The following PLCB1 variants were observed in gnomAD, a reference collection of about 807,000 sequenced individuals.
PLCB1 encodes 1-phosphatidylinositol 4,5-bisphosphate phosphodiesterase beta-1.
Under a neutral mutation model 161.8 loss-of-function variants are expected in PLCB1, and 46 were observed. The ratio of observed to expected loss-of-function variants is 0.28; its 90% CI spans 0.22 to 0.36. The LOEUF is 0.36. Among genes scored for constraint, PLCB1 ranks in the 10% least tolerant of loss-of-function variants. The probability of loss-of-function intolerance (pLI) is 1.00; values close to 1 mark genes in which losing one functional copy is unlikely to be tolerated. For missense variants in PLCB1, 1,016 were observed against 1,472.5 expected (o/e 0.69, Z 5.07); for synonymous variants, 517 against 503.7 (o/e 1.03, Z -0.35).
At chr20:8,586,504 G>A (rs6055928) in intron 3 of PLCB1, among the ~76,000 whole-genome samples, 54,687 of 151,912 alleles carry the variant, frequency 0.36, 10,277 homozygotes, top group African/African-American at 0.47. Flanking sequence ...AGGGAAAAAC[G>A]TATTTGCATT....
intron 3 of PLCB1, among the ~76,000 whole-genome samples, chr20:8,425,882 A>T (rs1979747759): frequency 6.6e-6 from 1 of 151,842 alleles, no homozygotes; most frequent in South Asian, 2.1e-4. Flanking sequence ...AAAAAAAAAA[A>T]GTTTTGAGAA....
chr20:8,529,700 A>G (rs578207256), intron 3 of PLCB1, among the ~76,000 whole-genome samples: 1 of 152,182 alleles, frequency 6.6e-6, no homozygotes, highest in South Asian at 2.1e-4. Context: ...AGTCTCCCTC[A>G]CACCCTCCTT....
At chr20:8,483,388 A>G (rs908109803) in intron 3 of PLCB1, among the ~76,000 whole-genome samples, 2 of 152,208 alleles carry the variant, frequency 1.3e-5, no homozygotes, top group African/African-American at 4.8e-5. Context: ...ATGCTGACAT[A>G]TCAGCTTCAA....
intron 3 of PLCB1, among the ~76,000 whole-genome samples, chr20:8,529,845 T>C (rs1984731710): frequency 6.6e-6 from 1 of 152,080 alleles, no homozygotes; most frequent in Non-Finnish European, 1.5e-5. Context: ...CAAGTGCACA[T>C]GATTTCAAGA....
chr20:8,189,504 A>G (rs543808989), intron 2 of PLCB1, among the ~76,000 whole-genome samples: 1 of 152,084 alleles, frequency 6.6e-6, no homozygotes, highest in South Asian at 2.1e-4. Context: ...TATAATAACA[A>G]AGATATTACA....
At chr20:8,517,426 G>T (rs917806460) in intron 3 of PLCB1, among the ~76,000 whole-genome samples, 1 of 152,156 alleles carries the variant, frequency 6.6e-6, no homozygotes, top group Admixed American at 6.5e-5. Flanking sequence ...ATGAGACATG[G>T]GGTTTTATTA....
intron 3 of PLCB1, among the ~76,000 whole-genome samples, chr20:8,420,945 G>A: frequency 6.6e-6 from 1 of 152,086 alleles, no homozygotes; most frequent in East Asian, 1.9e-4. Flanking sequence ...TAAATACCCT[G>A]ATGGAATAGA....
At chr20:8,688,248 A>T (rs1004444789) in intron 10 of PLCB1, among the ~76,000 whole-genome samples, 6 of 152,120 alleles carry the variant, frequency 3.9e-5, no homozygotes, top group Non-Finnish European at 7.3e-5. Flanking sequence ...CCTTTGTCAG[A>T]TGTATAGATT....
At chr20:8,288,253 C>CA (rs112900672) in intron 2 of PLCB1, among the ~76,000 whole-genome samples, 40,897 of 151,822 alleles carry the variant, frequency 0.27, 6,280 homozygotes, top group East Asian at 0.42. Context: ...CTGGAGGCTA[C>CA]AAAAAAATGA....
At chr20:8,670,124 C>T (rs1989907957) in intron 9 of PLCB1, among the ~76,000 whole-genome samples, 2 of 152,114 alleles carry the variant, frequency 1.3e-5, no homozygotes, top group Admixed American at 1.3e-4. Context: ...ATGTTCCAAA[C>T]ACAGCTCTAA....
intron 3 of PLCB1, among the ~76,000 whole-genome samples, chr20:8,409,089 C>T (rs1490247306): frequency 6.6e-6 from 1 of 152,224 alleles, no homozygotes; most frequent in African/African-American, 2.4e-5. Context: ...ACCACATCCA[C>T]ATTCACTTAC....
At chr20:8,192,291 A>ATAGTATT (rs1376641510) in intron 2 of PLCB1, among the ~76,000 whole-genome samples, 7 of 152,020 alleles carry the variant, frequency 4.6e-5, no homozygotes, top group Non-Finnish European at 1.0e-4. Context: ...GTTTCAAAGA[A>ATAGTATT]TAGTATTAAG....
intron 3 of PLCB1, among the ~76,000 whole-genome samples, chr20:8,529,429 A>G (rs1386899477): frequency 6.6e-6 from 1 of 152,034 alleles, no homozygotes; most frequent in Non-Finnish European, 1.5e-5. Context: ...GAACATTTGC[A>G]GGGATTTTAT....
chr20:8,427,069 A>G (rs1362053567), intron 3 of PLCB1, among the ~76,000 whole-genome samples: 3 of 151,960 alleles, frequency 2.0e-5, no homozygotes, highest in Non-Finnish European at 2.9e-5. Context: ...CTGCTACCAC[A>G]TCTGGGTAAT....
intron 12 of PLCB1, among the ~76,000 whole-genome samples, chr20:8,710,575 C>G (rs967272036): frequency 1.4e-5 from 2 of 138,528 alleles, no homozygotes; most frequent in Admixed American, 1.6e-4. Flanking sequence ...AGTGCCATGG[C>G]ACAATCCTGG....
chr20:8,606,535 A>G (rs1193918296), intron 3 of PLCB1, among the ~76,000 whole-genome samples: 2 of 152,162 alleles, frequency 1.3e-5, no homozygotes, highest in African/African-American at 4.8e-5. Context: ...TAGTGCCCTA[A>G]TGCTACCACT....
At chr20:8,683,915 G>A (rs1439917026) in intron 9 of PLCB1, among the ~76,000 whole-genome samples, 8 of 149,840 alleles carry the variant, frequency 5.3e-5, no homozygotes, top group South Asian at 2.1e-4. Context: ...ACAGAGTCTC[G>A]CTCTGTCACC....
chr20:8,580,732 C>T (rs1478693815), intron 3 of PLCB1, among the ~76,000 whole-genome samples: 1 of 152,176 alleles, frequency 6.6e-6, no homozygotes, highest in East Asian at 1.9e-4. Context: ...GTTTAATGAG[C>T]ACAAATTATA....
intron 2 of PLCB1, among the ~76,000 whole-genome samples, chr20:8,152,615 A>C (rs1217016413): frequency 3.3e-5 from 5 of 152,232 alleles, no homozygotes; most frequent in South Asian, 4.1e-4. Flanking sequence ...CACATGTACC[A>C]TAGAGATAAT....
Sources: allele counts gnomAD v4.1 joint callset (sites outside exome capture counted in the v4.1 genomes callset), GRCh38; gene constraint gnomAD v4.1.1; transcripts MANE v1.5; gene names NCBI Gene and HGNC (gene_info 2026-07-23, HGNC 2026-07-21).